AKAP13: variants seen among roughly 807,000 people sequenced by gnomAD.
AKAP13 encodes the protein A-kinase anchor protein 13.
A neutral mutation model predicts 264.5 loss-of-function variants in AKAP13; 80 were observed. The observed-to-expected ratio is 0.30, with a 90% CI of 0.25 to 0.36. The LOEUF is 0.36. Among genes scored for constraint, AKAP13 ranks in the 10% least tolerant of loss-of-function variants. The pLI is 1.00. For synonymous variants in AKAP13, 1,380 were observed against 1,250.2 expected, an observed-to-expected ratio of 1.10 and a Z score of -2.19; for missense variants, 3,712 against 3,435.2, an observed-to-expected ratio of 1.08 and a Z score of -2.01.
At chr15:85,689,393 G>T (rs951617257) in intron 16 of AKAP13, among the ~76,000 whole-genome samples, 13 of 152,326 alleles carry the variant, frequency 8.5e-5, no homozygotes, top group Admixed American at 4.6e-4. Context: ...CAGTTGTCCA[G>T]AGTGTTCTTT....
At position 85,664,526 on chromosome 15, in the gene AKAP13, GA is replaced by G. The variant is rs1232714483; in HGVS notation, c.4800-34del. On this transcript the variant is annotated intron_variant, in intron 12 of 36. Coordinates refer to ENST00000394518, the MANE Select transcript of AKAP13 (RefSeq NM_007200.5). ...TGTCCTCCTTTGTTTTTGAGACCCA[GA>G]AATAGAATGAATTAACTTTTGTGCC... The G allele has an allele frequency of 6.4e-6, 10 of 1,561,638 alleles. No individual in the cohort carries two copies. The South Asian group carries it at 1.2e-4, about 19-fold the overall frequency.
intron 6 of AKAP13, chr15:85,577,792 C>G: frequency 1.0e-6 from 1 of 985,158 alleles, no homozygotes; most frequent in Non-Finnish European, 1.2e-6. Context: ...GCCACTGTTC[C>G]TGAAATTATG....
chr15:85,592,709 T>A (rs2079636274), intron 8 of AKAP13, among the ~76,000 whole-genome samples: 1 of 152,128 alleles, frequency 6.6e-6, no homozygotes, highest in Non-Finnish European at 1.5e-5. Flanking sequence ...TTTTGGAGAC[T>A]CTCTGTATCT....
chr15:85,664,661 C>G lies in AKAP13; in HGVS notation c.4898C>G (p.Pro1633Arg), dbSNP rs770437699. ...SSANAEELRH[P>R]FSGEERVDSL... is the part of the protein sequence containing the mutation. ...GCAAATGCCGAAGAGCTCAGACACC[C>G]ATTCAGTGGTGAGGAACGGGTTGAC... The change falls in exon 13 of 37, where the codon CCA becomes CGA. Residue 1633 changes from proline to arginine, a missense_variant. Pro to Arg is a moderately radical substitution (Grantham distance 103). Transcript: ENST00000394518. 1 of 1,614,134 alleles carries G rather than the reference C, an allele frequency of 6.2e-7. No individual in the cohort carries two copies. Among genetic ancestry groups the G allele is most frequent in the Non-Finnish European group, 8.5e-7 (1 of 1,179,986 alleles).
At chr15:85,593,837 C>CTAA (rs1555448608) in intron 8 of AKAP13, among the ~76,000 whole-genome samples, 2 of 152,012 alleles carry the variant, frequency 1.3e-5, no homozygotes, top group Non-Finnish European at 1.5e-5. Context: ...ATGATAATAG[C>CTAA]TAAGTATAAG....
intron 8 of AKAP13, among the ~76,000 whole-genome samples, chr15:85,590,847 A>G (rs1450494944): frequency 6.6e-6 from 1 of 152,174 alleles, no homozygotes; most frequent in East Asian, 1.9e-4. Flanking sequence ...GAGTTAATAT[A>G]TATCAAGTAC....
chr15:85,442,118 A>C (rs1050571758), intron 1 of AKAP13, among the ~76,000 whole-genome samples: 18 of 152,090 alleles, frequency 1.2e-4, no homozygotes, highest in African/African-American at 4.3e-4. Context: ...ACATTTGTTA[A>C]AAATATTTTT....
chr15:85,614,613 C>T (rs1344736570), intron 8 of AKAP13, among the ~76,000 whole-genome samples: 1 of 152,074 alleles, frequency 6.6e-6, no homozygotes, highest in African/African-American at 2.4e-5. Flanking sequence ...AGTAATGAAT[C>T]CCAAGTTTTC....
chr15:85,506,211 G>A (rs1330654486), intron 2 of AKAP13, among the ~76,000 whole-genome samples: 2 of 152,158 alleles, frequency 1.3e-5, no homozygotes, highest in Non-Finnish European at 2.9e-5. Context: ...TTGAACCCAT[G>A]AAGTGGAGGT....
In AKAP13 at chr15:85,580,086, C is replaced by G. The variant is rs758165770; in HGVS notation, c.2018C>G (p.Thr673Ser). 1 of 1,614,208 alleles carries G rather than the reference C, an allele frequency of 6.2e-7. No individual in the cohort carries two copies. The highest frequency in any genetic ancestry group is 1.1e-5 in the South Asian group (1 of 91,086). ...ADSACQQNTV[T>S]SSGDLVAKLC... is the part of the protein sequence containing the mutation. ...TCTGCATGTCAACAGAACACAGTGA[C>G]TTCTAGTGGCGATTTGGTTGCAAAA... Residue 673 changes from threonine (T) to serine (S), a missense_variant, in exon 7 of 37, where the codon ACT (threonine) becomes AGT (serine). This residue lies in a region of AKAP13 where 2,759 missense variants were observed against 2,411.7 expected (regional missense o/e 1.14). Transcript: ENST00000394518.
intron 2 of AKAP13, among the ~76,000 whole-genome samples, chr15:85,500,677 C>T (rs1283378120): frequency 2.0e-5 from 3 of 152,156 alleles, no homozygotes; most frequent in Non-Finnish European, 4.4e-5. Context: ...CATTTCCCCC[C>T]CAGAGATTCT....
chr15:85,606,429 T>A (rs549624359), intron 8 of AKAP13, among the ~76,000 whole-genome samples: 1 of 152,240 alleles, frequency 6.6e-6, no homozygotes, highest in South Asian at 2.1e-4. Flanking sequence ...TGAGCATAGG[T>A]TCCTTTACCT....
chr15:85,478,582 G>C (rs1310079727), intron 1 of AKAP13, among the ~76,000 whole-genome samples: 6 of 151,994 alleles, frequency 3.9e-5, no homozygotes, highest in Non-Finnish European at 8.8e-5. Context: ...AGTGAACGTG[G>C]GTGTTACTGT....
Position 85,581,658 on chromosome 15 carries a change from C to G in AKAP13, c.3590C>G (p.Thr1197Arg). The G allele has an allele frequency of 1.2e-6, 2 of 1,614,170 alleles. No individual in the cohort carries two copies. The highest frequency in any genetic ancestry group is 1.7e-6 in the Non-Finnish European group (2 of 1,180,040). ...CAGCCTGTTGCCAAGGAGCTCCCCA[C>G]AGACATGGAGCTCTCAGCCCATGAT... ...LLQPVAKELP[T>R]DMELSAHDDG... The change falls in exon 7 of 37, where the codon ACA (threonine) becomes AGA (arginine). Residue 1197 changes from threonine to arginine, a missense_variant. Around this residue, in one of 3 missense-constraint regions of AKAP13, gnomAD observed 2,759 missense variants for 2,411.7 expected, o/e 1.14. Transcript: ENST00000394518.
At chr15:85,544,066 C>A in intron 5 of AKAP13, 111 bp downstream of exon 5, 1 of 1,323,876 alleles carries the variant, frequency 7.6e-7, no homozygotes, top group East Asian at 2.4e-5. Flanking sequence ...AAATTAAAAC[C>A]TCAGCTCTGT....
intron 1 of AKAP13, among the ~76,000 whole-genome samples, chr15:85,467,817 T>C (rs1177160421): frequency 6.6e-6 from 1 of 152,224 alleles, no homozygotes; most frequent in Non-Finnish European, 1.5e-5. Context: ...GCCTGCAATC[T>C]TTTCGGCTCT....
Position 85,718,940 on chromosome 15 carries a change from G to A in AKAP13, c.6002-136G>A. 3 of 1,232,768 alleles carry A rather than the reference G, an allele frequency of 2.4e-6. No homozygotes were observed. The highest frequency in any genetic ancestry group is 3.4e-6 in the Non-Finnish European group (3 of 893,544). The allele number at this position is 1,232,768 out of a possible 1,614,324, so 76.4% of individuals were successfully genotyped here. ...AACAAAAAAACGAGAACACTTTTAG[G>A]GGAAAGATAGCTGTTGACCCAATTT... On this transcript the variant is annotated intron_variant, in intron 22 of 36. Transcript: ENST00000394518. This position sits in a 1 kb window ranked among gnomAD's most constrained non-coding sequence, Gnocchi z 4.9.
chr15:85,608,309 C>G (rs552788126), intron 8 of AKAP13, among the ~76,000 whole-genome samples: 1 of 152,280 alleles, frequency 6.6e-6, no homozygotes, highest in African/African-American at 2.4e-5. Context: ...ATTATTTTCT[C>G]TCCTTGTTTA....
At chr15:85,709,933 CCACCT>C (rs1052936362) in intron 18 of AKAP13, among the ~76,000 whole-genome samples, 220 of 152,142 alleles carry the variant, frequency 1.4e-3, no homozygotes, top group African/African-American at 5.2e-3. Context: ...GGTGATCCAC[CCACCT>C]CAGCCTCCCA....
Sources: allele counts gnomAD v4.1 joint callset (sites outside exome capture counted in the v4.1 genomes callset), GRCh38; gene constraint gnomAD v4.1.1; regional missense constraint gnomAD v4.1.1; non-coding constraint Gnocchi (gnomAD v3.1); transcripts MANE v1.5; gene names NCBI Gene and HGNC (gene_info 2026-07-23, HGNC 2026-07-21).